KSR2: variants seen among roughly 807,000 people sequenced by gnomAD.
KSR2 encodes kinase suppressor of ras 2.
Under a neutral mutation model 107.8 loss-of-function variants are expected in KSR2, and 25 were observed. The observed-to-expected ratio is 0.23, with a 90% confidence interval of 0.17 to 0.32. KSR2 has a LOEUF of 0.32. Among genes scored for constraint, KSR2 ranks in the 10% least tolerant of loss-of-function variants. KSR2 has a pLI of 1.00. For synonymous variants in KSR2, 480 were observed against 507.0 expected, an observed-to-expected ratio of 0.95 and a Z score of 0.71; for missense variants, 887 against 1,268.9, an observed-to-expected ratio of 0.70 and a Z score of 4.57.
intron 14 of KSR2, among the ~76,000 whole-genome samples, chr12:117,493,265 C>G (rs58263890): frequency 0.036 from 5,425 of 152,228 alleles, 343 homozygotes; most frequent in African/African-American, 0.12. Flanking sequence ...CCAGTTCATT[C>G]TTCGTCCAGT....
At position 117,509,965 on chromosome 12, in the gene KSR2, G is replaced by A. The variant is rs13313227; in HGVS notation, c.2219+14887C>T. Among the ~76,000 whole-genome samples the A allele has an allele frequency of 3.7e-3, 568 of 152,308 alleles. 3 individuals are homozygous for A. The highest frequency in any genetic ancestry group is 0.013 in the African/African-American group (541 of 41,574). The stretch of plus-strand genomic sequence containing the variant: ...GATGACAAGAGGGCTGGGGAGAAGG[G>A]CCTCTGCTTCTCATCACTCAGTCTC... On this transcript the variant is annotated intron_variant, in intron 14 of 19. Coordinates refer to ENST00000339824, the MANE Select transcript of KSR2 (RefSeq NM_173598.6).
intron 1 of KSR2, among the ~76,000 whole-genome samples, chr12:117,899,089 A>C (rs1473537498): frequency 6.6e-6 from 1 of 152,184 alleles, no homozygotes; most frequent in Non-Finnish European, 1.5e-5. Flanking sequence ...CTGATACTTA[A>C]TATGTGAAAA....
chr12:117,504,261 A>G (rs2137182396), intron 14 of KSR2, among the ~76,000 whole-genome samples: 1 of 152,320 alleles, frequency 6.6e-6, no homozygotes, highest in African/African-American at 2.4e-5. Context: ...AACTCCATGT[A>G]ATCCTATTAC....
chr12:117,745,781 C>T (rs1486144637), intron 4 of KSR2, among the ~76,000 whole-genome samples: 1 of 152,030 alleles, frequency 6.6e-6, no homozygotes, highest in Non-Finnish European at 1.5e-5. Context: ...TTCCTATACA[C>T]CAACAATAGA....
At chr12:117,611,332 CA>C (rs1881582439) in intron 5 of KSR2, among the ~76,000 whole-genome samples, 1 of 151,804 alleles carries the variant, frequency 6.6e-6, no homozygotes, top group Non-Finnish European at 1.5e-5. Context: ...CTGGGTGTGG[CA>C]AGACCAGGGT....
intron 1 of KSR2, among the ~76,000 whole-genome samples, chr12:117,881,262 G>A (rs1328567528): frequency 1.3e-5 from 2 of 152,162 alleles, no homozygotes; most frequent in Non-Finnish European, 2.9e-5. Context: ...CAGATTCATG[G>A]TCTCAACTCT....
chr12:117,757,040 G>T (rs1888819800), intron 4 of KSR2, among the ~76,000 whole-genome samples: 1 of 140,276 alleles, frequency 7.1e-6, no homozygotes, highest in Admixed American at 7.5e-5. Context: ...GGGTGACAGA[G>T]TGAGACTCCA....
At chr12:117,660,765 A>G (rs914180015) in intron 5 of KSR2, among the ~76,000 whole-genome samples, 5 of 151,550 alleles carry the variant, frequency 3.3e-5, no homozygotes, top group African/African-American at 1.2e-4. Flanking sequence ...TAATAGATAC[A>G]TCTGCAAATG....
intron 3 of KSR2, among the ~76,000 whole-genome samples, chr12:117,804,912 A>G (rs1890960076): frequency 1.3e-5 from 2 of 152,200 alleles, no homozygotes; most frequent in Non-Finnish European, 1.5e-5. Flanking sequence ...ACGGGTGGGA[A>G]TAGTCAGACC....
chr12:117,462,766 TGAG>T lies in KSR2; in HGVS notation c.*4430_*4432del, dbSNP rs1367283776. 2 of 152,028 alleles carry T rather than the reference TGAG, an allele frequency of 1.3e-5. No homozygotes were observed. The highest frequency in any genetic ancestry group is 6.6e-5 in the Admixed American group (1 of 15,256). The allele number at this position is 152,028 out of a possible 1,614,324, so 9.4% of individuals were successfully genotyped here. A position where few individuals can be genotyped will look rare whatever the true frequency, so the allele number is the denominator to read the frequency against. ...GGGTGAAGTGAAGGTAGGCACAGGA[TGAG>T]GATAGGGAGGGCATATTTCGGGACT... is the stretch of plus-strand genomic sequence containing the variant. On this transcript the variant is annotated 3_prime_UTR_variant, in exon 20 of 20. Transcript: ENST00000339824.
chr12:117,767,693 G>C (rs1889289241), intron 3 of KSR2, among the ~76,000 whole-genome samples: 2 of 149,302 alleles, frequency 1.3e-5, no homozygotes, highest in Non-Finnish European at 3.0e-5. Flanking sequence ...GCTGAGGCAG[G>C]AGAACGGCGT....
chr12:117,492,846 T>G (rs1872818448), intron 14 of KSR2, among the ~76,000 whole-genome samples: 1 of 152,068 alleles, frequency 6.6e-6, no homozygotes, highest in African/African-American at 2.4e-5. Context: ...CATCGCTGAC[T>G]TTGAAGATGG....
chr12:117,925,208 C>A (rs1895476269), intron 1 of KSR2, among the ~76,000 whole-genome samples: 1 of 151,776 alleles, frequency 6.6e-6, no homozygotes, highest in Admixed American at 6.6e-5. Context: ...ACTGCATCCT[C>A]CACCTCCCAG....
chr12:117,887,808 T>TA (rs893836272), intron 1 of KSR2, among the ~76,000 whole-genome samples: 38 of 151,540 alleles, frequency 2.5e-4, no homozygotes, highest in African/African-American at 8.7e-4. Context: ...AAAATAAAAA[T>TA]AAAAAAAAAT....
At chr12:117,509,798 T>C (rs911734937) in intron 14 of KSR2, among the ~76,000 whole-genome samples, 1 of 152,234 alleles carries the variant, frequency 6.6e-6, no homozygotes, top group Non-Finnish European at 1.5e-5. Flanking sequence ...ACCTGATCTG[T>C]TCCCTTCTCG....
At chr12:117,729,708 CCATT>C (rs1477251376) in intron 4 of KSR2, among the ~76,000 whole-genome samples, 2 of 151,432 alleles carry the variant, frequency 1.3e-5, no homozygotes, top group East Asian at 2.0e-4. Flanking sequence ...ACCCACCCAT[CCATT>C]CATTCATTTG....
intron 1 of KSR2, among the ~76,000 whole-genome samples, chr12:117,868,306 TC>T (rs1390538531): frequency 6.6e-6 from 1 of 151,590 alleles, no homozygotes; most frequent in African/African-American, 2.4e-5. Flanking sequence ...ACATCTGTAG[TC>T]CCAGCTACTC....
chr12:117,660,671 A>G (rs920664823), intron 5 of KSR2, among the ~76,000 whole-genome samples: 12 of 152,200 alleles, frequency 7.9e-5, no homozygotes, highest in African/African-American at 2.9e-4. Context: ...ACCCATGACA[A>G]GGCCGAATCT....
At chr12:117,716,089 C>G (rs997447882) in intron 4 of KSR2, among the ~76,000 whole-genome samples, 2 of 152,238 alleles carry the variant, frequency 1.3e-5, no homozygotes, top group Non-Finnish European at 2.9e-5. Flanking sequence ...CTGTCTGCTT[C>G]TTTCATAGCA....
Sources: gnomAD v4.1 joint callset for allele counts (sites outside exome capture counted in the v4.1 genomes callset) on GRCh38, gnomAD v4.1.1 for gene constraint, MANE v1.5 for transcripts, NCBI Gene and HGNC (gene_info 2026-07-23, HGNC 2026-07-21) for gene names.